SAMM50: variants seen among roughly 807,000 people sequenced by gnomAD.
SAMM50 encodes the protein sorting and assembly machinery component 50 homolog.
SAMM50 carries 47 observed loss-of-function variants against 66.9 expected under a neutral mutation model. The observed-to-expected ratio is 0.70, with a 90% CI of 0.56 to 0.90. SAMM50 has a LOEUF of 0.90. Among genes scored for constraint, SAMM50 ranks in the 40% least tolerant of loss-of-function variants. SAMM50 has a pLI of 0.00. For synonymous variants in SAMM50, 191 were observed against 214.1 expected (o/e 0.89, Z 0.94); for missense variants, 535 against 595.3 (o/e 0.90, Z 1.05).
In SAMM50 at chr22:43,955,634, C is replaced by T. The variant is rs780645532; in HGVS notation, c.21+36C>T. ...CAGCGACCCGCGGGCTGCGAGGCCT[C>T]TGGGCCAGCAGGGCAGACGGGCGCC... is the stretch of plus-strand genomic sequence containing the variant. On this transcript the variant is annotated intron_variant, in intron 1 of 14. Transcript: ENST00000350028. The T allele has an allele frequency of 7.1e-5, 112 of 1,568,436 alleles. No individual in the cohort carries two copies. In the Middle Eastern group the frequency reaches 1.6e-3, roughly 23 times the overall value.
In SAMM50 at chr22:43,968,090, G is replaced by T. The variant is rs2050182691; in HGVS notation, c.235-641G>T. Among the ~76,000 whole-genome samples, 3 of 151,878 alleles carry T rather than the reference G, an allele frequency of 2.0e-5. No individual in the cohort carries two copies. In the South Asian group the frequency reaches 6.2e-4, roughly 32 times the overall value. On this transcript the variant is annotated intron_variant, in intron 3 of 14. Coordinates refer to ENST00000350028, the MANE Select transcript of SAMM50 (RefSeq NM_015380.5). ...TACAAAAAAAAAATTCGCTTGGCGTGGTGGTCTGTGCCTGCAATCCCAGCT... is the reference window on the plus strand; with the variant it reads ...TACAAAAAAAAAATTCGCTTGGCGTTGTGGTCTGTGCCTGCAATCCCAGCT...
chr22:43,996,156 C>A (rs2050352819), intron 14 of SAMM50, 182 bp from the exon 15 acceptor site: 2 of 717,252 alleles, frequency 2.8e-6, no homozygotes, highest in African/African-American at 1.8e-5. Context: ...GGTGAAGGTT[C>A]TTAACCAGCA....
At chr22:43,980,081 C>T (rs886668830) in intron 10 of SAMM50, among the ~76,000 whole-genome samples, 33 of 149,844 alleles carry the variant, frequency 2.2e-4, no homozygotes, top group South Asian at 4.3e-4. Flanking sequence ...TCCATCCATC[C>T]GTCCGTCCAT....
chr22:43,981,130 T>C (rs2050262463), intron 10 of SAMM50, among the ~76,000 whole-genome samples: 1 of 152,238 alleles, frequency 6.6e-6, no homozygotes, highest in African/African-American at 2.4e-5. Context: ...CTGCCCTGTG[T>C]CCGAATGGAA....
chr22:43,962,881 ATTTTTTTTT>A (rs58022542), intron 1 of SAMM50, among the ~76,000 whole-genome samples: 8 of 65,506 alleles, frequency 1.2e-4, no homozygotes, highest in South Asian at 6.1e-4. Context: ...CTTTTGGTTA[ATTTTTTTTT>A]TTTTTTTTTT....
At chr22:43,979,065 G>A (rs764714887) in intron 10 of SAMM50, among the ~76,000 whole-genome samples, 84 of 152,102 alleles carry the variant, frequency 5.5e-4, no homozygotes, top group Non-Finnish European at 9.4e-4. Context: ...CTGCTCGCCT[G>A]TTCTCACTTT....
intron 8 of SAMM50, among the ~76,000 whole-genome samples, 172 bp from the exon 9 acceptor site, chr22:43,976,575 GTCC>G (rs1280538020): frequency 6.6e-6 from 1 of 152,230 alleles, no homozygotes; most frequent in Non-Finnish European, 1.5e-5. Context: ...ACGTCTCAGT[GTCC>G]TCCTATGTAA....
chr22:43,995,093 G>T (rs2050345962), intron 14 of SAMM50, among the ~76,000 whole-genome samples: 1 of 152,172 alleles, frequency 6.6e-6, no homozygotes, highest in South Asian at 2.1e-4. Context: ...TTTTGATGTG[G>T]ATTCTGGTGT....
chr22:43,980,963 G>A (rs139591221), intron 10 of SAMM50, among the ~76,000 whole-genome samples: 188 of 152,300 alleles, frequency 1.2e-3, no homozygotes, highest in African/African-American at 4.5e-3. Flanking sequence ...CCTTGCAGCC[G>A]GTACCTTCTT....
chr22:43,995,821 C>T (rs1367354493), intron 14 of SAMM50, among the ~76,000 whole-genome samples: 1 of 152,202 alleles, frequency 6.6e-6, no homozygotes, highest in Admixed American at 6.5e-5. Context: ...CCAATGTGAC[C>T]TTTGCATCCT....
chr22:43,979,868 G>T (rs1002580844), intron 10 of SAMM50, among the ~76,000 whole-genome samples: 1 of 150,790 alleles, frequency 6.6e-6, no homozygotes, highest in Non-Finnish European at 1.5e-5. Context: ...TATTCACTCT[G>T]TCTGCCGCTG....
chr22:43,979,703 C>T (rs191859457), intron 10 of SAMM50, among the ~76,000 whole-genome samples: 2 of 152,042 alleles, frequency 1.3e-5, no homozygotes, highest in African/African-American at 4.8e-5. Context: ...GAAACACAAG[C>T]CTTACCATAT....
intron 13 of SAMM50, 145 bp from the exon 14 acceptor site, chr22:43,990,120 C>T (rs1412414536): frequency 1.2e-6 from 1 of 867,222 alleles, no homozygotes; most frequent in Non-Finnish European, 1.7e-6. Flanking sequence ...CCTAATCTCA[C>T]TTCATGCATC....
intron 3 of SAMM50, among the ~76,000 whole-genome samples, chr22:43,968,202 G>A (rs2050183355): frequency 7.4e-6 from 1 of 135,744 alleles, no homozygotes; most frequent in Non-Finnish European, 1.5e-5. Flanking sequence ...ACTCCAGCCT[G>A]GGCAGCAGAG....
chr22:43,972,108 A>G (rs2050206522), intron 4 of SAMM50, 128 bp from the exon 5 acceptor site: 1 of 561,678 alleles, frequency 1.8e-6, no homozygotes, highest in Non-Finnish European at 3.1e-6. Context: ...TCTCATGATT[A>G]TATTATTTTC....
intron 12 of SAMM50, among the ~76,000 whole-genome samples, chr22:43,984,390 G>A (rs993840668): frequency 1.3e-5 from 2 of 151,922 alleles, no homozygotes; most frequent in Non-Finnish European, 2.9e-5. Flanking sequence ...TCGGCTCACC[G>A]CAACCTCCGC....
intron 3 of SAMM50, among the ~76,000 whole-genome samples, chr22:43,967,935 A>G (rs2050181754): frequency 6.6e-6 from 1 of 152,212 alleles, no homozygotes; most frequent in Non-Finnish European, 1.5e-5. Context: ...AGAGATGGTT[A>G]GAAAGGCCGG....
intron 4 of SAMM50, among the ~76,000 whole-genome samples, chr22:43,969,767 G>T (rs973274065): frequency 6.6e-6 from 1 of 152,194 alleles, no homozygotes; most frequent in Non-Finnish European, 1.5e-5. Context: ...AGAGTGGCTC[G>T]CTGGGTGGAC....
chr22:43,989,339 C>CTG (rs2050310860), intron 13 of SAMM50, 82 bp downstream of exon 13: 2 of 987,792 alleles, frequency 2.0e-6, no homozygotes, highest in African/African-American at 1.8e-5. Flanking sequence ...AGGTGTCTGT[C>CTG]TTTTTTTTTT....
Sources: gnomAD v4.1 joint callset for allele counts (sites outside exome capture counted in the v4.1 genomes callset) on GRCh38, gnomAD v4.1.1 for gene constraint, MANE v1.5 for transcripts, NCBI Gene and HGNC (gene_info 2026-07-23, HGNC 2026-07-21) for gene names.